The following RFX8 variants were observed in gnomAD, a reference collection of about 807,000 sequenced individuals.
RFX8 encodes DNA-binding protein RFX8.
A neutral mutation model predicts 54.6 loss-of-function variants in RFX8; 46 were observed. The observed-to-expected ratio is 0.84, with a 90% CI of 0.67 to 1.08. The LOEUF (loss-of-function observed/expected upper bound fraction) is 1.08. Ranked by LOEUF, RFX8 falls within the 50% of genes least tolerant of loss-of-function variation. RFX8 has a pLI of 0.00. For synonymous variants in RFX8, 192 were observed against 209.5 expected (o/e 0.92, Z 0.72); for missense variants, 536 against 562.3 (o/e 0.95, Z 0.47).
rs1686875573 is a variant in RFX8 at position 101,421,735 on chromosome 2, T to C, written c.226A>G (p.Ile76Val). 2 of 1,550,244 alleles carry C rather than the reference T, an allele frequency of 1.3e-6. No individual in the cohort carries two copies. Among genetic ancestry groups the C allele is most frequent in the Admixed American group, 4.0e-5 (2 of 50,572 alleles). The change falls in exon 4 of 12, where the codon ATT becomes GTT. Residue 76 changes from isoleucine to valine, a missense_variant. Ile to Val is a conservative substitution (Grantham distance 29). Coordinates refer to ENST00000428343, the MANE Select transcript of RFX8 (RefSeq NM_001145664.2). ...ADEYCNYCRD[I>V]LRNVEDLLTS... ...TCTCAGTTCCTCACATTTCGTAAAA[T>C]GTCTCGACAATAGTTGCAGTATTCG...
intron 2 of RFX8, among the ~76,000 whole-genome samples, chr2:101,462,264 C>T (rs1428010257): frequency 6.6e-6 from 1 of 152,108 alleles, no homozygotes; most frequent in Non-Finnish European, 1.5e-5. Flanking sequence ...CCTGTCTCTG[C>T]AAACAAAACA....
At chr2:101,469,006 A>ACT (rs1689745174) in intron 1 of RFX8, among the ~76,000 whole-genome samples, 2 of 30,316 alleles carry the variant, frequency 6.6e-5, no homozygotes, top group South Asian at 1.3e-3. Flanking sequence ...ATATATACGT[A>ACT]TATATATATA....
chr2:101,460,647 G>A (rs758642517), intron 2 of RFX8, among the ~76,000 whole-genome samples: 22 of 151,834 alleles, frequency 1.4e-4, no homozygotes, highest in Non-Finnish European at 2.8e-4. Flanking sequence ...GGTATTTGGA[G>A]CTGTCAAGTA....
chr2:101,402,379 C>A (rs778369560), intron 11 of RFX8, 57 bp downstream of exon 11: 80 of 1,335,446 alleles, frequency 6.0e-5, no homozygotes, highest in Admixed American at 5.9e-4. Flanking sequence ...TACTAATCAC[C>A]TGTGGCTCTT....
chr2:101,430,391 A>G (rs1317103274), intron 2 of RFX8, among the ~76,000 whole-genome samples: 3 of 152,236 alleles, frequency 2.0e-5, no homozygotes, highest in African/African-American at 7.2e-5. Context: ...TAAGATCCTT[A>G]AGGAGATAAT....
In RFX8 at chr2:101,422,488, G is replaced by GC. The variant is rs759067827; in HGVS notation, c.73-17dup. 413 of 1,377,520 alleles carry GC rather than the reference G, an allele frequency of 3.0e-4. 1 individual carries two copies. The highest frequency in any genetic ancestry group is 3.5e-4 in the Non-Finnish European group (341 of 988,152). 85.3% of individuals were successfully genotyped at this position (1,377,520 alleles called of 1,614,324 possible). A position where few individuals can be genotyped will look rare whatever the true frequency, so the allele number is the denominator to read the frequency against. On this transcript the variant is annotated splice_polypyrimidine_tract_variant and intron_variant, in intron 2 of 11. Transcript: ENST00000428343. ...GATCTTCACACTAAAAATCATTTGT[G>GC]CAATGGATTATGTCTTTAAAATACA...
At chr2:101,398,970 A>G (rs1353219563) in intron 11 of RFX8, among the ~76,000 whole-genome samples, 1 of 152,236 alleles carries the variant, frequency 6.6e-6, no homozygotes. Context: ...AGAGGTGAAG[A>G]GACACTTAAA....
intron 6 of RFX8, among the ~76,000 whole-genome samples, chr2:101,416,964 G>A (rs1016813800): frequency 1.3e-5 from 2 of 152,156 alleles, no homozygotes; most frequent in Non-Finnish European, 2.9e-5. Context: ...GAATGCCCTG[G>A]TGAATATCCA....
At chr2:101,401,971 G>A (rs964716154) in intron 11 of RFX8, among the ~76,000 whole-genome samples, 4 of 152,158 alleles carry the variant, frequency 2.6e-5, no homozygotes, top group African/African-American at 9.7e-5. Context: ...ACATACATAA[G>A]GGCTATATAG....
chr2:101,410,783 G>A, intron 8 of RFX8, 70 bp from the exon 9 acceptor site: 2 of 787,482 alleles, frequency 2.5e-6, no homozygotes, highest in Non-Finnish European at 4.3e-6. Context: ...AGGTATTTGT[G>A]TACTGGGTAA....
At chr2:101,406,542 A>G (rs572995209) in intron 9 of RFX8, among the ~76,000 whole-genome samples, 1 of 152,054 alleles carries the variant, frequency 6.6e-6, no homozygotes, top group South Asian at 2.1e-4. Context: ...GGGTCTCACT[A>G]TGTTGCTCAA....
intron 1 of RFX8, among the ~76,000 whole-genome samples, chr2:101,471,440 G>A (rs1298409998): frequency 6.6e-6 from 1 of 152,190 alleles, no homozygotes; most frequent in Non-Finnish European, 1.5e-5. Context: ...CATGAATTCT[G>A]CACCTTTCCA....
chr2:101,443,717 T>C (rs1165567923), intron 2 of RFX8, among the ~76,000 whole-genome samples: 1 of 152,054 alleles, frequency 6.6e-6, no homozygotes, highest in African/African-American at 2.4e-5. Flanking sequence ...ACTGGAGAAA[T>C]GTGCAACACA....
At chr2:101,471,640 T>G (rs1196447480) in intron 1 of RFX8, among the ~76,000 whole-genome samples, 1 of 152,190 alleles carries the variant, frequency 6.6e-6, no homozygotes, top group Non-Finnish European at 1.5e-5. Context: ...GTCAGATCAC[T>G]GTTCTTCATT....
rs1686240853 is a variant in RFX8, at chr2:101,413,024, C to T, written c.609G>A (p.Lys203=). The T allele has an allele frequency of 6.4e-7, 1 of 1,551,992 alleles. No homozygotes were observed. Among genetic ancestry groups the T allele is most frequent in the Admixed American group, 2.0e-5 (1 of 50,964 alleles). ...LKSKRRVSVL[K]SDLQAIINQG... is the part of the protein sequence containing the mutation. ...GATTGATGATGGCCTGTAGATCTGACTTCAAAACGCTGACACGCCTCTTAC... is the reference window on the plus strand; with the variant it reads ...GATTGATGATGGCCTGTAGATCTGATTTCAAAACGCTGACACGCCTCTTAC... The change falls in exon 8 of 12, where the codon AAG becomes AAA. Residue 203 remains lysine, a synonymous_variant. Transcript: ENST00000428343.
intron 5 of RFX8, 117 bp from the exon 6 acceptor site, chr2:101,417,801 A>G (rs1280755371): frequency 1.4e-6 from 1 of 733,040 alleles, no homozygotes; most frequent in African/African-American, 1.8e-5. Context: ...GTCCCCACCC[A>G]GGTTGAAGGG....
intron 2 of RFX8, among the ~76,000 whole-genome samples, chr2:101,452,742 A>G (rs1688754186): frequency 2.0e-5 from 3 of 151,926 alleles, no homozygotes; most frequent in African/African-American, 7.3e-5. Flanking sequence ...CAGGCCAATC[A>G]CTTGAGGTCA....
At chr2:101,455,853 G>C (rs1374070917) in intron 2 of RFX8, among the ~76,000 whole-genome samples, 2 of 152,190 alleles carry the variant, frequency 1.3e-5, no homozygotes, top group African/African-American at 4.8e-5. Flanking sequence ...TATGAGCATA[G>C]AACGTTCTTC....
intron 1 of RFX8, among the ~76,000 whole-genome samples, chr2:101,469,112 A>ATATATATACG: frequency 8.2e-6 from 1 of 121,442 alleles, no homozygotes; most frequent in African/African-American, 3.2e-5. Context: ...ATATAAGTGT[A>ATATATATACG]TATATATATA....
Sources: gnomAD v4.1 joint callset for allele counts (sites outside exome capture counted in the v4.1 genomes callset) on GRCh38, gnomAD v4.1.1 for gene constraint, MANE v1.5 for transcripts, NCBI Gene and HGNC (gene_info 2026-07-23, HGNC 2026-07-21) for gene names.